SLIT3: variants seen among roughly 807,000 people sequenced by gnomAD.
SLIT3 encodes the protein slit guidance ligand 3.
A neutral mutation model predicts 184.0 loss-of-function variants in SLIT3; 68 were observed. The ratio of observed to expected loss-of-function variants is 0.37; its 90% CI spans 0.30 to 0.45. The LOEUF is 0.45. Among genes scored for constraint, SLIT3 ranks in the 20% least tolerant of loss-of-function variants. The pLI is 1.00. For synonymous variants in SLIT3, 831 were observed against 828.6 expected (o/e 1.00, Z -0.05); for missense variants, 1,707 against 2,026.0 (o/e 0.84, Z 3.02).
At chr5:169,237,944 A>T (rs1207459363) in intron 3 of SLIT3, among the ~76,000 whole-genome samples, 2 of 152,166 alleles carry the variant, frequency 1.3e-5, no homozygotes, top group Non-Finnish European at 2.9e-5. Context: ...ATTTTTCTGT[A>T]TCAGCACCAC....
At chr5:168,872,065 T>A (rs1182313164) in intron 5 of SLIT3, among the ~76,000 whole-genome samples, 1 of 152,208 alleles carries the variant, frequency 6.6e-6, no homozygotes, top group East Asian at 1.9e-4. Flanking sequence ...AGTCAGGGCT[T>A]GGCTGTCCTG....
intron 4 of SLIT3, among the ~76,000 whole-genome samples, chr5:169,134,788 C>T (rs1761439173): frequency 6.6e-6 from 1 of 152,208 alleles, no homozygotes; most frequent in Non-Finnish European, 1.5e-5. Flanking sequence ...CCTTCATGCC[C>T]CAGCTGGTCC....
intron 4 of SLIT3, among the ~76,000 whole-genome samples, chr5:169,063,439 CT>C (rs1253731432): frequency 2.0e-5 from 3 of 152,222 alleles, no homozygotes; most frequent in Non-Finnish European, 4.4e-5. Flanking sequence ...CCTCGATTCT[CT>C]TGTGGCTGAC....
At chr5:168,798,226 T>TTCTTTC (rs1756643075) in intron 9 of SLIT3, among the ~76,000 whole-genome samples, 1 of 125,272 alleles carries the variant, frequency 8.0e-6, no homozygotes, top group Admixed American at 7.2e-5. Context: ...TCTTCTTCTT[T>TTCTTTC]TTTTTTTTTT....
At chr5:169,009,453 G>A (rs897459278) in intron 4 of SLIT3, among the ~76,000 whole-genome samples, 2 of 152,226 alleles carry the variant, frequency 1.3e-5, no homozygotes, top group African/African-American at 4.8e-5. Context: ...ACGCTGTGTA[G>A]TCACCAGCTC....
At chr5:168,884,504 G>GT (rs1760099131) in intron 4 of SLIT3, among the ~76,000 whole-genome samples, 1 of 36,932 alleles carries the variant, frequency 2.7e-5, no homozygotes, top group African/African-American at 7.8e-5. Flanking sequence ...AAATATTAAG[G>GT]TAAAAAAAAA....
intron 12 of SLIT3, among the ~76,000 whole-genome samples, chr5:168,777,334 G>A (rs1182604953): frequency 1.3e-5 from 2 of 152,102 alleles, no homozygotes; most frequent in African/African-American, 2.4e-5. Flanking sequence ...TGAAACCCCA[G>A]TGCAGATTCA....
rs115605069 is a variant in SLIT3, at chr5:169,041,227, G to C, written c.413+152252C>G. 8.8e-3 allele frequency among the ~76,000 whole-genome samples: 1,337 copies of C among 152,298 alleles called. 8 individuals carry two copies. Among genetic ancestry groups the C allele is most frequent in the Non-Finnish European group, 0.015 (1,034 of 68,026 alleles). On this transcript the variant is annotated intron_variant, in intron 4 of 35. Coordinates refer to ENST00000519560, the MANE Select transcript of SLIT3 (RefSeq NM_003062.4). ...CTTCACATGGCTCTCTCACTCATTT[G>C]CTCAATCATTTATTCGACAAACATA... is the stretch of plus-strand genomic sequence containing the variant.
chr5:169,114,601 T>C (rs2113270007), intron 4 of SLIT3, among the ~76,000 whole-genome samples: 1 of 152,282 alleles, frequency 6.6e-6, no homozygotes, highest in South Asian at 2.1e-4. Flanking sequence ...TGTCCTGGTG[T>C]GACATTGCAA....
At chr5:169,134,385 G>C (rs753899498) in intron 4 of SLIT3, among the ~76,000 whole-genome samples, 3 of 152,062 alleles carry the variant, frequency 2.0e-5, no homozygotes, top group Non-Finnish European at 4.4e-5. Flanking sequence ...AGTCTTCTTG[G>C]ACCCAAGGTC....
intron 5 of SLIT3, among the ~76,000 whole-genome samples, chr5:168,862,780 T>C (rs934889153): frequency 2.0e-5 from 3 of 152,106 alleles, no homozygotes; most frequent in African/African-American, 7.2e-5. Context: ...GATCAAGTGA[T>C]TCTCCTGCTT....
chr5:168,726,697 G>T (rs1314486106), intron 20 of SLIT3, among the ~76,000 whole-genome samples: 1 of 152,008 alleles, frequency 6.6e-6, no homozygotes, highest in Non-Finnish European at 1.5e-5. Flanking sequence ...GAAGAGCCAG[G>T]TGTGGTGGCT....
intron 4 of SLIT3, among the ~76,000 whole-genome samples, chr5:169,151,726 G>A (rs886741382): frequency 4.6e-5 from 7 of 152,206 alleles, no homozygotes; most frequent in South Asian, 2.1e-4. Context: ...TACTAGGGTC[G>A]GCTCCTTTTA....
intron 4 of SLIT3, among the ~76,000 whole-genome samples, chr5:168,946,523 C>A (rs1364246654): frequency 6.6e-6 from 1 of 152,202 alleles, no homozygotes; most frequent in Non-Finnish European, 1.5e-5. Flanking sequence ...CATAGTGTTC[C>A]CCAGCCTTGT....
At chr5:168,755,642 G>T (rs1275587976) in intron 16 of SLIT3, among the ~76,000 whole-genome samples, 1 of 151,920 alleles carries the variant, frequency 6.6e-6, no homozygotes, top group African/African-American at 2.4e-5. Flanking sequence ...CACCATGTTG[G>T]CCAGGCTGGT....
intron 4 of SLIT3, among the ~76,000 whole-genome samples, chr5:169,108,582 T>A (rs1021499767): frequency 4.6e-5 from 7 of 152,150 alleles, no homozygotes; most frequent in African/African-American, 1.7e-4. Context: ...ACTGGAGGTA[T>A]CTGTAACCCT....
At chr5:168,972,631 G>A (rs947549008) in intron 4 of SLIT3, among the ~76,000 whole-genome samples, 4 of 152,186 alleles carry the variant, frequency 2.6e-5, no homozygotes, top group East Asian at 1.9e-4. Flanking sequence ...GGGATGACAC[G>A]AGATGGCCAC....
chr5:168,819,981 T>A (rs930782729), intron 7 of SLIT3, among the ~76,000 whole-genome samples: 2 of 152,204 alleles, frequency 1.3e-5, no homozygotes, highest in Non-Finnish European at 2.9e-5. Flanking sequence ...CTTCTTGGAA[T>A]TGTATCCACC....
chr5:168,708,418 G>A, intron 25 of SLIT3: 1 of 391,510 alleles, frequency 2.6e-6, no homozygotes. Flanking sequence ...AACCCCCTGT[G>A]TATCTTTTCA....
Sources: gnomAD v4.1 joint callset for allele counts (sites outside exome capture counted in the v4.1 genomes callset) on GRCh38, gnomAD v4.1.1 for gene constraint, MANE v1.5 for transcripts, NCBI Gene and HGNC (gene_info 2026-07-23, HGNC 2026-07-21) for gene names.